The following RANBP2 variants were observed in gnomAD, a reference collection of about 807,000 sequenced individuals.
RANBP2 encodes E3 SUMO-protein ligase RanBP2.
Under a neutral mutation model 303.6 loss-of-function variants are expected in RANBP2, and 57 were observed. The ratio of observed to expected loss-of-function variants is 0.19; its 90% CI spans 0.15 to 0.23. The LOEUF is 0.23. Ranked by LOEUF, RANBP2 falls within the 10% of genes least tolerant of loss-of-function variation. The pLI is 1.00. For missense variants in RANBP2, 3,138 were observed against 3,780.8 expected (o/e 0.83, Z 4.46); for synonymous variants, 1,167 against 1,301.5 (o/e 0.90, Z 2.23).
the RANBP2 span, among the ~76,000 whole-genome samples, chr2:109,566,996 C>A: frequency 6.6e-6 from 1 of 152,024 alleles, no homozygotes; most frequent in Non-Finnish European, 1.5e-5. Context: ...GAATTAAGAT[C>A]ACCTCATTTA....
the RANBP2 span, among the ~76,000 whole-genome samples, chr2:109,061,194 G>A: frequency 6.6e-6 from 1 of 152,080 alleles, no homozygotes; most frequent in East Asian, 1.9e-4. Context: ...TGGGAGCTGT[G>A]CAATGTAAGT....
At chr2:108,838,602 C>A in the RANBP2 span, among the ~76,000 whole-genome samples, 1 of 152,046 alleles carries the variant, frequency 6.6e-6, no homozygotes, top group Non-Finnish European at 1.5e-5. Context: ...AAATGATATA[C>A]TTTTGAAGCA....
chr2:109,394,944 G>A, the RANBP2 span, among the ~76,000 whole-genome samples: 1 of 152,262 alleles, frequency 6.6e-6, no homozygotes, highest in African/African-American at 2.4e-5. Context: ...GGCACTGGCA[G>A]GCGAGGGCAT....
the RANBP2 span, among the ~76,000 whole-genome samples, chr2:109,305,157 G>A: frequency 6.6e-6 from 1 of 152,220 alleles, no homozygotes; most frequent in East Asian, 1.9e-4. Flanking sequence ...CCACAGTGGG[G>A]GTTATGTTGA....
chr2:108,836,108 A>T, the RANBP2 span, among the ~76,000 whole-genome samples: 2 of 152,200 alleles, frequency 1.3e-5, no homozygotes, highest in South Asian at 4.1e-4. Flanking sequence ...AGTTTCCAAC[A>T]CATAAATTTT....
chr2:109,667,254 A>C, the RANBP2 span: 2 of 826,914 alleles, frequency 2.4e-6, no homozygotes. Flanking sequence ...GCTGAAGGAC[A>C]GGCAGAGACC....
chr2:109,040,607 G>C, the RANBP2 span, among the ~76,000 whole-genome samples: 1 of 152,082 alleles, frequency 6.6e-6, no homozygotes, highest in Non-Finnish European at 1.5e-5. Flanking sequence ...ATATCTCTTT[G>C]CATTTGTTTA....
chr2:109,568,807 G>A, the RANBP2 span, among the ~76,000 whole-genome samples: 18 of 152,102 alleles, frequency 1.2e-4, no homozygotes, highest in Non-Finnish European at 2.6e-4. Context: ...ATGCCTACCT[G>A]TGCCCCACTG....
At chr2:109,270,452 T>G in the RANBP2 span, among the ~76,000 whole-genome samples, 1 of 152,176 alleles carries the variant, frequency 6.6e-6, no homozygotes. Context: ...GAAACATTTC[T>G]TCTTGTTTCC....
chr2:109,398,570 CT>C, the RANBP2 span: 1 of 1,531,084 alleles, frequency 6.5e-7, no homozygotes. Flanking sequence ...GCAGCCTCCC[CT>C]CTCCCCTTTC....
chr2:109,000,919 G>A, the RANBP2 span, among the ~76,000 whole-genome samples: 1 of 152,146 alleles, frequency 6.6e-6, no homozygotes, highest in Non-Finnish European at 1.5e-5. Flanking sequence ...TTGGGTCAGA[G>A]TGCTGAATTC....
chr2:109,454,259 C>T, the RANBP2 span, among the ~76,000 whole-genome samples: 1 of 152,194 alleles, frequency 6.6e-6, no homozygotes, highest in Non-Finnish European at 1.5e-5. Context: ...TTTATAATTA[C>T]TTTGTCTACT....
chr2:109,043,384 C>T, the RANBP2 span, among the ~76,000 whole-genome samples: 3 of 152,088 alleles, frequency 2.0e-5, no homozygotes. Context: ...CTTCTGTCCC[C>T]CAGGCTGGAG....
At chr2:109,149,057 C>T in the RANBP2 span, among the ~76,000 whole-genome samples, 2 of 152,310 alleles carry the variant, frequency 1.3e-5, no homozygotes, top group African/African-American at 4.8e-5. Context: ...CTCTTTCCTT[C>T]CTTCAGAGGC....
the RANBP2 span, among the ~76,000 whole-genome samples, chr2:108,848,696 A>G: frequency 6.6e-6 from 1 of 152,236 alleles, no homozygotes; most frequent in African/African-American, 2.4e-5. Context: ...TATAACAAGT[A>G]AAACAGCAAC....
chr2:108,903,418 C>A, the RANBP2 span, among the ~76,000 whole-genome samples: 1 of 151,658 alleles, frequency 6.6e-6, no homozygotes, highest in East Asian at 1.9e-4. Flanking sequence ...GGCAAAGGAA[C>A]TAGAATAGCT....
At chr2:109,335,229 G>A in the RANBP2 span, among the ~76,000 whole-genome samples, 1 of 152,210 alleles carries the variant, frequency 6.6e-6, no homozygotes, top group African/African-American at 2.4e-5. Context: ...GCAGCTGTGG[G>A]GACTGTGGGG....
At chr2:109,032,258 A>G in the RANBP2 span, among the ~76,000 whole-genome samples, 2 of 151,940 alleles carry the variant, frequency 1.3e-5, no homozygotes, top group Admixed American at 6.6e-5. Context: ...ATTTTATTTC[A>G]GGGCATTTTC....
the RANBP2 span, among the ~76,000 whole-genome samples, chr2:109,357,914 T>C: frequency 6.6e-6 from 1 of 152,218 alleles, no homozygotes; most frequent in African/African-American, 2.4e-5. Context: ...TGAGCCTATA[T>C]TGACAAATCG....
Sources: allele counts gnomAD v4.1 joint callset (sites outside exome capture counted in the v4.1 genomes callset), GRCh38; gene constraint gnomAD v4.1.1; transcripts MANE v1.5; gene names NCBI Gene and HGNC (gene_info 2026-07-23, HGNC 2026-07-21).